PPP1R21: variants seen among roughly 807,000 people sequenced by gnomAD.
PPP1R21 encodes the protein protein phosphatase 1 regulatory subunit 21.
PPP1R21 carries 85 observed loss-of-function variants against 112.8 expected under a neutral mutation model. The ratio of observed to expected loss-of-function variants is 0.75; its 90% CI spans 0.63 to 0.90. The LOEUF is 0.90. Among genes scored for constraint, PPP1R21 ranks in the 40% least tolerant of loss-of-function variants. The pLI is 0.00. For missense variants in PPP1R21, 1,199 were observed against 901.5 expected, an observed-to-expected ratio of 1.33 and a Z score of -4.23; for synonymous variants, 381 against 322.3, an observed-to-expected ratio of 1.18 and a Z score of -1.95.
intron 1 of PPP1R21, chr2:48,441,236 G>A (rs886374444): frequency 3.4e-6 from 2 of 585,684 alleles, no homozygotes; most frequent in Non-Finnish European, 6.1e-6. Context: ...GGAGAAGCTG[G>A]AGTTTGATTC....
chr2:48,500,347 T>C (rs1367611432), intron 17 of PPP1R21, among the ~76,000 whole-genome samples: 1 of 152,114 alleles, frequency 6.6e-6, no homozygotes, highest in Admixed American at 6.6e-5. Context: ...ACAGGCATGC[T>C]AGCAATTATT....
chr2:48,478,208 CTG>C (rs1289092140), intron 12 of PPP1R21, among the ~76,000 whole-genome samples: 1 of 152,166 alleles, frequency 6.6e-6, no homozygotes, highest in Non-Finnish European at 1.5e-5. Context: ...GCCTCTAGAA[CTG>C]TGAGAAAATA....
In PPP1R21 at chr2:48,461,170, T is replaced by C; in HGVS notation, c.632T>C (p.Leu211Ser). ...QLQLKTLHED[L>S]SGRLEESLSI... ...CAGTTAAAGACTCTTCATGAAGATT[T>C]GTCAGGTAGATTAGAGGAATCCTTA... Residue 211 changes from leucine (L) to serine (S), a missense_variant, in exon 7 of 22, where the codon TTG (leucine) becomes TCG (serine). Physicochemically the swap from Leu to Ser is moderately radical, Grantham distance 145. Coordinates refer to ENST00000294952, the MANE Select transcript of PPP1R21 (RefSeq NM_001135629.3). 2 of 1,583,108 alleles carry C rather than the reference T, an allele frequency of 1.3e-6. No homozygotes were observed.
intron 2 of PPP1R21, among the ~76,000 whole-genome samples, chr2:48,453,093 A>G (rs1667553700): frequency 6.6e-6 from 1 of 151,950 alleles, no homozygotes; most frequent in African/African-American, 2.4e-5. Context: ...CACTGGGATC[A>G]CAGGCGTGCA....
rs1054361188 is a variant in PPP1R21, at chr2:48,454,275, T to TA, written c.127-317dup. 2.8e-4 allele frequency among the ~76,000 whole-genome samples: 42 copies of TA among 151,828 alleles called. 1 individual carries two copies. The highest frequency in any genetic ancestry group is 8.7e-4 in the African/African-American group (36 of 41,354). On this transcript the variant is annotated intron_variant, in intron 2 of 21. Transcript: ENST00000294952. ...GACTCTGTCTCAAAAAATAAATAAA[T>TA]AAATAAATAAATAAATCAAATAAGT... is the stretch of plus-strand genomic sequence containing the variant.
At chr2:48,492,095 G>T (rs1669592569) in intron 15 of PPP1R21, among the ~76,000 whole-genome samples, 1 of 152,118 alleles carries the variant, frequency 6.6e-6, no homozygotes, top group South Asian at 2.1e-4. Context: ...TGCAATTTGT[G>T]CATTTTACTT....
intron 1 of PPP1R21, among the ~76,000 whole-genome samples, chr2:48,444,561 G>T (rs905406320): frequency 9.9e-5 from 15 of 152,226 alleles, no homozygotes; most frequent in African/African-American, 3.6e-4. Flanking sequence ...GCCTGGCACC[G>T]TGGTGTTTGT....
At chr2:48,512,885 C>T (rs1670703799) in intron 21 of PPP1R21, among the ~76,000 whole-genome samples, 1 of 152,086 alleles carries the variant, frequency 6.6e-6, no homozygotes, top group Non-Finnish European at 1.5e-5. Context: ...CTTGTTATTC[C>T]ATATTCCAGC....
chr2:48,465,246 CT>C (rs1385378290), intron 8 of PPP1R21, among the ~76,000 whole-genome samples: 7 of 152,104 alleles, frequency 4.6e-5, no homozygotes, highest in African/African-American at 1.7e-4. Flanking sequence ...TTGAGCCATA[CT>C]TTTTTGTGGA....
intron 1 of PPP1R21, among the ~76,000 whole-genome samples, chr2:48,445,280 G>A (rs1667199313): frequency 1.3e-5 from 2 of 152,088 alleles, no homozygotes; most frequent in African/African-American, 4.8e-5. Flanking sequence ...GTCCAGCAGG[G>A]TAACCGCTAG....
chr2:48,509,349 G>A (rs902646034), intron 19 of PPP1R21, among the ~76,000 whole-genome samples: 4 of 151,586 alleles, frequency 2.6e-5, no homozygotes, highest in African/African-American at 9.7e-5. Flanking sequence ...GATAACTTTT[G>A]TAATAATCAC....
At chr2:48,500,192 G>A (rs1391790195) in intron 17 of PPP1R21, among the ~76,000 whole-genome samples, 1 of 152,032 alleles carries the variant, frequency 6.6e-6, no homozygotes, top group Non-Finnish European at 1.5e-5. Context: ...ATTTTCCTAG[G>A]TATGGTAATG....
intron 15 of PPP1R21, among the ~76,000 whole-genome samples, chr2:48,495,076 T>A (rs1186156349): frequency 6.6e-6 from 1 of 152,190 alleles, no homozygotes; most frequent in Non-Finnish European, 1.5e-5. Context: ...AACAGAATGG[T>A]TGTATGTATA....
chr2:48,464,309 G>T (rs917063368), intron 7 of PPP1R21, among the ~76,000 whole-genome samples: 1 of 152,170 alleles, frequency 6.6e-6, no homozygotes, highest in Non-Finnish European at 1.5e-5. Context: ...GAGAACCTGG[G>T]CAGAGAAGGG....
intron 16 of PPP1R21, among the ~76,000 whole-genome samples, chr2:48,498,224 C>G (rs1434508720): frequency 6.6e-6 from 1 of 150,556 alleles, no homozygotes; most frequent in Non-Finnish European, 1.5e-5. Context: ...TTTACAGATT[C>G]TAATTCAATT....
At chr2:48,465,948 G>A (rs374961717) in intron 9 of PPP1R21, among the ~76,000 whole-genome samples, 25 of 152,166 alleles carry the variant, frequency 1.6e-4, no homozygotes, top group Non-Finnish European at 2.9e-4. Flanking sequence ...GGCTGGGGAG[G>A]CCTCACAATC....
rs958535879 is a variant in PPP1R21 at position 48,491,304 on chromosome 2, G to A, written c.1599+134G>A. Reference sequence around the variant, plus strand: ...GGGGTACAGGTTGTTGGTGGGTGTTGGGGGAGGGCTGTGGGGAAGAGGAGG... The same window carrying A: ...GGGGTACAGGTTGTTGGTGGGTGTTAGGGGAGGGCTGTGGGGAAGAGGAGG... On this transcript the variant is annotated intron_variant, in intron 15 of 21. Coordinates refer to ENST00000294952, the MANE Select transcript of PPP1R21 (RefSeq NM_001135629.3). The A allele has an allele frequency of 8.3e-6, 8 of 962,308 alleles. No homozygotes were observed. In the African/African-American group the frequency reaches 1.3e-4, roughly 16 times the overall value. The allele number at this position is 962,308 out of a possible 1,614,324, so 59.6% of individuals were successfully genotyped here.
intron 13 of PPP1R21, among the ~76,000 whole-genome samples, chr2:48,484,081 C>T (rs1052431829): frequency 6.6e-6 from 1 of 152,196 alleles, no homozygotes; most frequent in African/African-American, 2.4e-5. Context: ...GGCTGTGACT[C>T]CTGTAGCCAC....
intron 7 of PPP1R21, among the ~76,000 whole-genome samples, chr2:48,461,765 C>T (rs1481624477): frequency 6.6e-6 from 1 of 152,050 alleles, no homozygotes; most frequent in East Asian, 1.9e-4. Context: ...AAATTTGCAA[C>T]CTTTAGGTAA....
Sources: gnomAD v4.1 joint callset for allele counts (sites outside exome capture counted in the v4.1 genomes callset) on GRCh38, gnomAD v4.1.1 for gene constraint, MANE v1.5 for transcripts, NCBI Gene and HGNC (gene_info 2026-07-23, HGNC 2026-07-21) for gene names.